The following PCDH15 variants were observed in gnomAD, a reference collection of about 807,000 sequenced individuals.
The protein encoded by PCDH15 is protocadherin related 15.
A neutral mutation model predicts 178.5 loss-of-function variants in PCDH15; 129 were observed. The observed-to-expected ratio is 0.72, with a 90% confidence interval of 0.63 to 0.84. PCDH15 has a LOEUF of 0.84. PCDH15 is among the 40% of genes least tolerant of loss of function. The pLI is 0.00. For missense variants in PCDH15, 2,230 were observed against 2,099.9 expected (o/e 1.06, Z -1.21); for synonymous variants, 800 against 732.0 (o/e 1.09, Z -1.50).
At chr10:53,960,137 TA>T (rs2088140045) in intron 22 of PCDH15, among the ~76,000 whole-genome samples, 2 of 152,180 alleles carry the variant, frequency 1.3e-5, no homozygotes, top group Non-Finnish European at 2.9e-5. Context: ...AAAACAAGTG[TA>T]TTATACTATA....
At position 53,802,971 on chromosome 10, in the gene PCDH15, G is replaced by A. The variant is rs1006099085; in HGVS notation, c.*3608C>T. ...GACAATGTTCGAATCTTCCATACAT[G>A]TGCTTAACTGACCATAAATTTAAAG... is the stretch of plus-strand genomic sequence containing the variant. On this transcript the variant is annotated 3_prime_UTR_variant, in exon 38 of 38. Transcript: ENST00000644397. 6.6e-6 allele frequency: 1 copy of A among 151,652 alleles called. No individual in the cohort carries two copies. Among genetic ancestry groups the A allele is most frequent in the Non-Finnish European group, 1.5e-5 (1 of 67,800 alleles). 9.4% of individuals were successfully genotyped at this position (151,652 alleles called of 1,614,324 possible). A position where few individuals can be genotyped will look rare whatever the true frequency, so the allele number is the denominator to read the frequency against.
At chr10:55,475,595 G>T (rs941144301) in intron 2 of PCDH15, among the ~76,000 whole-genome samples, 10 of 152,120 alleles carry the variant, frequency 6.6e-5, no homozygotes, top group African/African-American at 2.4e-4. Context: ...TTAAAACTTT[G>T]TTCCATAAGC....
At chr10:55,035,831 C>T (rs924602009) in intron 2 of PCDH15, among the ~76,000 whole-genome samples, 1 of 146,874 alleles carries the variant, frequency 6.8e-6, no homozygotes, top group East Asian at 1.9e-4. Flanking sequence ...CACTGATGGC[C>T]ATAGGGGGTA....
chr10:55,122,060 G>T lies in PCDH15; in HGVS notation c.-80+44516C>A, dbSNP rs190886732. Among the ~76,000 whole-genome samples, 62 of 152,256 alleles carry T rather than the reference G, an allele frequency of 4.1e-4. No homozygotes were observed. The East Asian group carries it at 8.5e-3, about 21-fold the overall frequency. ...AGGAATAGGAAAAAGAAGGAGTTAT[G>T]AAAAATTAAGGGAAAGGATAATCTT... On this transcript the variant is annotated intron_variant, in intron 2 of 5. Coordinates refer to the PCDH15 transcript ENST00000458638.
At chr10:55,323,752 G>A (rs145540576), upstream of PCDH15, among the ~76,000 whole-genome samples, 4 of 152,292 alleles carry the variant, frequency 2.6e-5, no homozygotes, top group East Asian at 5.8e-4. Context: ...TTTCTCAGAT[G>A]AGGCTTTGGA....
intron 3 of PCDH15, among the ~76,000 whole-genome samples, chr10:54,407,528 A>G (rs976699637): frequency 6.6e-6 from 1 of 152,078 alleles, no homozygotes; most frequent in African/African-American, 2.4e-5. Context: ...CTGAAATTTT[A>G]AAACTCTTAA....
intron 2 of PCDH15, among the ~76,000 whole-genome samples, chr10:54,567,544 TTG>T (rs1352932850): frequency 6.6e-6 from 1 of 152,154 alleles, no homozygotes; most frequent in Non-Finnish European, 1.5e-5. Context: ...TGTATTTTTA[TTG>T]TGTTATAAAA....
At chr10:55,405,272 G>C (rs1231853402) in intron 2 of PCDH15, among the ~76,000 whole-genome samples, 13 of 81,642 alleles carry the variant, frequency 1.6e-4, no homozygotes, top group African/African-American at 6.6e-4. Context: ...TATATGTAGT[G>C]TGAGGTAACA....
At chr10:54,898,381 T>C (rs1790264827) in intron 2 of PCDH15, among the ~76,000 whole-genome samples, 1 of 152,024 alleles carries the variant, frequency 6.6e-6, no homozygotes, top group Non-Finnish European at 1.5e-5. Flanking sequence ...TAAACTAGGG[T>C]TATTTTCATA....
chr10:55,060,557 A>G (rs141768010), intron 2 of PCDH15, among the ~76,000 whole-genome samples: 1 of 152,142 alleles, frequency 6.6e-6, no homozygotes, highest in African/African-American at 2.4e-5. Context: ...ATAGATCACA[A>G]AATTCTAAGA....
intron 3 of PCDH15, among the ~76,000 whole-genome samples, chr10:54,419,068 G>A (rs904313342): frequency 1.3e-5 from 2 of 151,702 alleles, no homozygotes; most frequent in African/African-American, 4.8e-5. Context: ...AATTAGAAAA[G>A]GTCAATACAA....
rs540626936 is a variant in PCDH15, at chr10:54,979,700, T to G, written c.-79-82200A>C. 3.3e-5 allele frequency among the ~76,000 whole-genome samples: 5 copies of G among 151,828 alleles called. No homozygotes were observed. In the South Asian group the frequency reaches 1.0e-3, roughly 31 times the overall value. ...AAAAAAAAAAAACCAGAATTTTATT[T>G]TTATCAACAGAAAAATGGATAAAGA... On this transcript the variant is annotated intron_variant, in intron 2 of 5. Transcript: ENST00000458638.
chr10:55,448,092 A>G (rs1839356553), intron 2 of PCDH15, among the ~76,000 whole-genome samples: 1 of 152,046 alleles, frequency 6.6e-6, no homozygotes, highest in Non-Finnish European at 1.5e-5. Flanking sequence ...GATACATATT[A>G]CTTGATAAAA....
chr10:53,969,202 C>A (rs1370816125), intron 21 of PCDH15, among the ~76,000 whole-genome samples: 1 of 152,242 alleles, frequency 6.6e-6, no homozygotes, highest in East Asian at 1.9e-4. Context: ...CGAGAACTAT[C>A]TGAGGCATGC....
intron 6 of PCDH15, among the ~76,000 whole-genome samples, chr10:54,343,478 T>C (rs1942644022): frequency 6.6e-6 from 1 of 152,146 alleles, no homozygotes; most frequent in Admixed American, 6.5e-5. Context: ...TACCCAGTCT[T>C]AGTTATTCTT....
chr10:54,797,070 C>T (rs1019083377), intron 1 of PCDH15, among the ~76,000 whole-genome samples: 2 of 151,966 alleles, frequency 1.3e-5, no homozygotes, highest in Admixed American at 1.3e-4. Flanking sequence ...TCATTGCACA[C>T]ACCGCTGTCC....
intron 17 of PCDH15, among the ~76,000 whole-genome samples, chr10:54,072,671 A>G (rs938073724): frequency 6.6e-6 from 1 of 152,108 alleles, no homozygotes; most frequent in African/African-American, 2.4e-5. Flanking sequence ...TGACTGGGAA[A>G]CTAAGAGAAA....
chr10:54,081,315 T>TATAC (rs2135964457), intron 16 of PCDH15, among the ~76,000 whole-genome samples: 1 of 151,388 alleles, frequency 6.6e-6, no homozygotes, highest in South Asian at 2.1e-4. Flanking sequence ...ATTTGGAATA[T>TATAC]ATATGTATAC....
rs10825347 is a variant in PCDH15 at position 54,527,929 on chromosome 10, A to C, written c.92-52T>G. 0.45 allele frequency: 643,806 copies of C among 1,431,452 alleles called. 151,368 individuals are homozygous for C. The highest frequency in any genetic ancestry group is 0.76 in the East Asian group (33,317 of 43,814). The allele number at this position is 1,431,452 out of a possible 1,614,324, so 88.7% of individuals were successfully genotyped here. ...ATAATTGACTGCAGGGGCACACACA[A>C]TGAGAAAAAAATTCATTGAGATGTA... On this transcript the variant is annotated intron_variant, in intron 2 of 37. Transcript: ENST00000644397.
Sources: gnomAD v4.1 joint callset for allele counts (sites outside exome capture counted in the v4.1 genomes callset) on GRCh38, gnomAD v4.1.1 for gene constraint, MANE v1.5 for transcripts, NCBI Gene and HGNC (gene_info 2026-07-23, HGNC 2026-07-21) for gene names.